Variants in PLGRKT observed in about 807,000 individuals in gnomAD.
The protein encoded by PLGRKT is plasminogen receptor with a C-terminal lysine, also known as plasminogen receptor (KT).
In PLGRKT, 22 loss-of-function variants were observed where a neutral mutation model predicts 18.5. The observed-to-expected ratio is 1.19, with a 90% CI of 0.85 to 1.70. PLGRKT has a LOEUF of 1.70. PLGRKT is among the 40% of genes most tolerant of loss of function. The pLI is 0.00. For synonymous variants in PLGRKT, 72 were observed against 52.8 expected (o/e 1.36, Z -1.58); for missense variants, 235 against 174.4 (o/e 1.35, Z -1.96).
chr9:5,418,660 G>A lies in PLGRKT; in HGVS notation c.81+13237C>T. ...TCCGGGCAGCAGCGCGTGCTCCTTG[G>A]AGATGGGCAGGGGCAGCATGTAGCA... On this transcript the variant is annotated intron_variant, in intron 3 of 5. Coordinates refer to ENST00000223864, the MANE Select transcript of PLGRKT (RefSeq NM_018465.4). The surrounding 1 kb of genome is among the most constrained non-coding windows in gnomAD (Gnocchi z 4.2). The A allele has an allele frequency of 1.5e-6, 1 of 682,010 alleles. No homozygotes were observed. The highest frequency in any genetic ancestry group is 2.7e-6 in the Non-Finnish European group (1 of 365,236). 42.2% of individuals were successfully genotyped at this position (682,010 alleles called of 1,614,324 possible). A position where few individuals can be genotyped will look rare whatever the true frequency, so the allele number is the denominator to read the frequency against.
chr9:5,421,698 T>C (rs1035667528), intron 3 of PLGRKT, among the ~76,000 whole-genome samples: 1 of 152,230 alleles, frequency 6.6e-6, no homozygotes, highest in Non-Finnish European at 1.5e-5. Context: ...TCTCACTTAA[T>C]CCTCAGAGTA....
chr9:5,408,592 G>C (rs983920069), intron 3 of PLGRKT, among the ~76,000 whole-genome samples: 1 of 152,220 alleles, frequency 6.6e-6, no homozygotes, highest in East Asian at 1.9e-4. Flanking sequence ...AAAATTTGTA[G>C]CATAGCCATG....
intron 3 of PLGRKT, among the ~76,000 whole-genome samples, chr9:5,362,424 G>C (rs1817287796): frequency 6.6e-6 from 1 of 152,080 alleles, no homozygotes; most frequent in Non-Finnish European, 1.5e-5. Context: ...TCACCACTTT[G>C]TTCAGTGCCT....
At chr9:5,430,104 T>C (rs911353747) in intron 3 of PLGRKT, among the ~76,000 whole-genome samples, 4 of 152,218 alleles carry the variant, frequency 2.6e-5, no homozygotes, top group Non-Finnish European at 2.9e-5. Context: ...TCGGTGAGTT[T>C]TGGAGGACAT....
chr9:5,362,005 A>C, intron 3 of PLGRKT, 117 bp from the exon 4 acceptor site: 1 of 1,013,442 alleles, frequency 9.9e-7, no homozygotes, highest in East Asian at 2.6e-5. Context: ...ATGTTTTTTC[A>C]AAAAAATCTC....
intron 3 of PLGRKT, among the ~76,000 whole-genome samples, chr9:5,373,428 C>G (rs995113670): frequency 3.9e-5 from 6 of 152,198 alleles, no homozygotes; most frequent in African/African-American, 1.4e-4. Context: ...GGATGGCCTT[C>G]TCTACTCTGC....
chr9:5,419,605 C>T lies in PLGRKT; in HGVS notation c.81+12292G>A, dbSNP rs183765471. Among the ~76,000 whole-genome samples the T allele has an allele frequency of 1.5e-3, 222 of 152,018 alleles. 1 individual carries two copies. Among genetic ancestry groups the T allele is most frequent in the Middle Eastern group, 6.8e-3 (2 of 294 alleles). On this transcript the variant is annotated intron_variant, in intron 3 of 5. Transcript: ENST00000223864. Reference sequence around the variant, plus strand: ...GATATACAAATGGCCATTAAGCCCACGAAAACATATTCAATGTTATTAGCC... The same window carrying T: ...GATATACAAATGGCCATTAAGCCCATGAAAACATATTCAATGTTATTAGCC...
intron 3 of PLGRKT, among the ~76,000 whole-genome samples, chr9:5,370,401 A>T (rs1817491067): frequency 6.6e-6 from 1 of 152,190 alleles, no homozygotes; most frequent in African/African-American, 2.4e-5. Context: ...GTATAACACA[A>T]AGGCAATGAC....
At chr9:5,394,934 G>A (rs1397339355) in intron 3 of PLGRKT, among the ~76,000 whole-genome samples, 2 of 151,810 alleles carry the variant, frequency 1.3e-5, no homozygotes, top group East Asian at 3.8e-4. Flanking sequence ...ATGAGGGTGA[G>A]GGAAGTGGGC....
chr9:5,403,951 C>T (rs1222168876), intron 3 of PLGRKT, among the ~76,000 whole-genome samples: 1 of 152,090 alleles, frequency 6.6e-6, no homozygotes, highest in East Asian at 1.9e-4. Context: ...GGGATACCAC[C>T]ACTGACACCA....
chr9:5,387,822 G>T (rs1457228517), intron 3 of PLGRKT, among the ~76,000 whole-genome samples: 1 of 151,846 alleles, frequency 6.6e-6, no homozygotes, highest in African/African-American at 2.4e-5. Context: ...TATTGCAGAT[G>T]GGCAAGGGTA....
intron 5 of PLGRKT, among the ~76,000 whole-genome samples, chr9:5,359,633 G>A (rs111917080): frequency 1.3e-5 from 2 of 152,186 alleles, no homozygotes; most frequent in African/African-American, 4.8e-5. Flanking sequence ...TATATTTTAG[G>A]GTCATCACTA....
At chr9:5,415,117 G>T (rs1295987202) in intron 3 of PLGRKT, among the ~76,000 whole-genome samples, 1 of 152,046 alleles carries the variant, frequency 6.6e-6, no homozygotes, top group Non-Finnish European at 1.5e-5. Context: ...CCTGGAGCAG[G>T]AACAATATAA....
Position 5,418,781 on chromosome 9 carries a change from A to G in PLGRKT, c.81+13116T>C. On this transcript the variant is annotated intron_variant, in intron 3 of 5. Transcript: ENST00000223864. This position sits in a 1 kb window ranked among gnomAD's most constrained non-coding sequence, Gnocchi z 4.2. ...ACCTCGGGGTCGTCGAGGAGCTGCGACACGGAGAAGTCAGGGGGCAGCTTG... is the reference window on the plus strand; with the variant it reads ...ACCTCGGGGTCGTCGAGGAGCTGCGGCACGGAGAAGTCAGGGGGCAGCTTG... 1 of 788,226 alleles carries G rather than the reference A, an allele frequency of 1.3e-6. No individual in the cohort carries two copies. The highest frequency in any genetic ancestry group is 2.2e-6 in the Non-Finnish European group (1 of 459,264). 48.8% of individuals were successfully genotyped at this position (788,226 alleles called of 1,614,324 possible).
chr9:5,427,860 G>C (rs867990434), intron 3 of PLGRKT, among the ~76,000 whole-genome samples: 1 of 152,186 alleles, frequency 6.6e-6, no homozygotes, highest in Admixed American at 6.5e-5. Flanking sequence ...CAGAGATCTG[G>C]TAGTAAATGC....
At chr9:5,432,597 C>G in intron 2 of PLGRKT, among the ~76,000 whole-genome samples, 1 of 151,856 alleles carries the variant, frequency 6.6e-6, no homozygotes, top group South Asian at 2.1e-4. Context: ...CCTCTGGCTC[C>G]GGTGATTCTC....
chr9:5,401,605 A>G (rs1818155545), intron 3 of PLGRKT, among the ~76,000 whole-genome samples: 1 of 151,926 alleles, frequency 6.6e-6, no homozygotes, highest in African/African-American at 2.4e-5. Context: ...CCTTCCATCT[A>G]AAAACAATAT....
chr9:5,428,190 T>C (rs76735883), intron 3 of PLGRKT, among the ~76,000 whole-genome samples: 4,837 of 152,272 alleles, frequency 0.032, 207 homozygotes, highest in East Asian at 0.12. Flanking sequence ...GAAACTTGTC[T>C]GTTGAGCCCA....
At chr9:5,382,963 C>G (rs1187124717) in intron 3 of PLGRKT, among the ~76,000 whole-genome samples, 1 of 152,166 alleles carries the variant, frequency 6.6e-6, no homozygotes, top group Non-Finnish European at 1.5e-5. Context: ...GGTCCACATC[C>G]TAACTCCAGA....
Sources: allele counts gnomAD v4.1 joint callset (sites outside exome capture counted in the v4.1 genomes callset), GRCh38; gene constraint gnomAD v4.1.1; non-coding constraint Gnocchi (gnomAD v3.1); transcripts MANE v1.5; gene names NCBI Gene and HGNC (gene_info 2026-07-23, HGNC 2026-07-21).